Variants in RTKN observed in about 807,000 individuals in gnomAD.
RTKN encodes rhotekin.
Under a neutral mutation model 63.5 loss-of-function variants are expected in RTKN, and 49 were observed. That is an observed-to-expected ratio of 0.77 (90% CI 0.61 to 0.98). The LOEUF (loss-of-function observed/expected upper bound fraction) is 0.98, where lower values mean the gene tolerates loss of function less well. Ranked by LOEUF, RTKN falls within the 50% of genes least tolerant of loss-of-function variation. The pLI, the probability that RTKN is intolerant of heterozygous loss-of-function variation, is 0.00. For synonymous variants in RTKN, 295 were observed against 290.4 expected, an observed-to-expected ratio of 1.02 and a Z score of -0.16; for missense variants, 685 against 740.8, an observed-to-expected ratio of 0.92 and a Z score of 0.87.
Position 74,427,588 on chromosome 2 carries a change from G to C in RTKN, c.1091C>G (p.Thr364Ser), listed in dbSNP as rs574880152. The C allele has an allele frequency of 2.4e-5, 38 of 1,611,706 alleles. 1 individual carries two copies. Among genetic ancestry groups the C allele is most frequent in the Non-Finnish European group, 3.1e-5 (37 of 1,179,678 alleles). Residue 364 changes from threonine to serine, a missense_variant, in exon 10 of 12, where the codon ACT becomes AGT. By Grantham distance (58) the Thr-to-Ser change is moderately conservative (BLOSUM62 1). Transcript: ENST00000272430. ...PLLTIAVNKE[T>S]RVRAGELDQA... The stretch of plus-strand genomic sequence containing the variant: ...GTCCAGCTCCCCTGCCCGGACTCGA[G>C]TCTCCTGCAGGAGAAAGAAGAGGTC...
Position 74,439,925 on chromosome 2 carries a change from G to C in RTKN, c.111+1781C>G, listed in dbSNP as rs914353095. The C allele has an allele frequency of 5.7e-6, 7 of 1,225,618 alleles. No homozygotes were observed. In the African/African-American group the frequency reaches 7.6e-5, roughly 13 times the overall value. 75.9% of individuals were successfully genotyped at this position (1,225,618 alleles called of 1,614,324 possible). On this transcript the variant is annotated intron_variant, in intron 1 of 11. Transcript: ENST00000272430. ...CAGGAGGAAAGGCCAGCTGCAGAGG[G>C]GGCTCTAGGCACAGAGTGTCCAGTC... is the stretch of plus-strand genomic sequence containing the variant.
intron 7 of RTKN, 28 bp from the exon 8 acceptor site, chr2:74,428,765 G>A: frequency 6.2e-7 from 1 of 1,608,772 alleles, no homozygotes; most frequent in Non-Finnish European, 8.5e-7. Flanking sequence ...GCAGGGTGAG[G>A]TAGGGGAATG....
At chr2:74,435,887 T>C (rs1037100767) in intron 1 of RTKN, among the ~76,000 whole-genome samples, 2 of 152,210 alleles carry the variant, frequency 1.3e-5, no homozygotes, top group Admixed American at 6.5e-5. Flanking sequence ...CCTTGGCTAT[T>C]TTCTGGGCCA....
At chr2:74,430,219 AG>A (rs747207694) in intron 5 of RTKN, 32 bp downstream of exon 5, 1 of 1,586,548 alleles carries the variant, frequency 6.3e-7, no homozygotes, top group South Asian at 1.1e-5. Flanking sequence ...AGCAGAGTGG[AG>A]GAAGGAGGTA....
At chr2:74,426,889 G>A in intron 11 of RTKN, 1 of 1,359,770 alleles carries the variant, frequency 7.4e-7, no homozygotes, top group Non-Finnish European at 9.4e-7. Context: ...GAAGAGACAG[G>A]AATCCACATG....
At position 74,429,946 on chromosome 2, in the gene RTKN, G is replaced by C; in HGVS notation, c.637C>G (p.Leu213Val). The C allele has an allele frequency of 6.2e-7, 1 of 1,614,256 alleles. No homozygotes were observed. The highest frequency in any genetic ancestry group is 8.5e-7 in the Non-Finnish European group (1 of 1,180,050). Reference protein sequence around the residue: ...EGALTGGPKRLATKLSSSLGR... With the variant: ...EGALTGGPKRVATKLSSSLGR... Reference sequence around the variant, plus strand: ...AGGGAGCTGCTGAGTTTGGTGGCAAGCCTCTTGGGGCCGCCAGTCAGGGCC... The same window carrying C: ...AGGGAGCTGCTGAGTTTGGTGGCAACCCTCTTGGGGCCGCCAGTCAGGGCC... The change falls in exon 6 of 12, where the codon CTT becomes GTT. Residue 213 changes from leucine to valine, a missense_variant. Physicochemically the swap from Leu to Val is conservative, Grantham distance 32 (BLOSUM62 1). Transcript: ENST00000272430.
chr2:74,439,607 G>A (rs143761156), intron 1 of RTKN: 39 of 1,613,980 alleles, frequency 2.4e-5, no homozygotes, highest in African/African-American at 1.3e-5. Flanking sequence ...TCCAGGATGT[G>A]CAATCTGTCC....
intron 2 of RTKN, 161 bp downstream of exon 2, chr2:74,432,306 C>G: frequency 1.3e-6 from 1 of 779,500 alleles, no homozygotes; most frequent in African/African-American, 1.7e-5. Flanking sequence ...CTGGGCAACA[C>G]ACAGTGGTGG....
chr2:74,427,989 A>G, intron 9 of RTKN: 1 of 523,526 alleles, frequency 1.9e-6, no homozygotes, highest in Non-Finnish European at 3.4e-6. Context: ...TTGGAATCTG[A>G]GGGAGAAGAG....
At chr2:74,439,652 T>A (rs1473899815) in intron 1 of RTKN, 1 of 1,613,536 alleles carries the variant, frequency 6.2e-7, no homozygotes. Flanking sequence ...CTTTCCCTTG[T>A]CAACCCCTCC....
Position 74,426,372 on chromosome 2 carries a change from C to A in RTKN, c.1563G>T (p.Leu521=), listed in dbSNP as rs1420934178. 6.2e-7 allele frequency: 1 copy of A among 1,611,264 alleles called. No individual in the cohort carries two copies. The highest frequency in any genetic ancestry group is 1.3e-5 in the African/African-American group (1 of 74,858). Residue 521 remains leucine (L), a synonymous_variant, in exon 12 of 12, where the codon CTG becomes CTT. Transcript: ENST00000272430. ...GGGAGTGGTCTGGGGGGACAGCATC[C>A]AGGGAAAAGGTTCGGGGTCTCCCCC... ...LPWGRPRTFS[L]DAVPPDHSPR...
At position 74,439,686 on chromosome 2, in the gene RTKN, C is replaced by T. The variant is rs1407722389; in HGVS notation, c.111+2020G>A. 8 of 1,603,144 alleles carry T rather than the reference C, an allele frequency of 5.0e-6. No individual in the cohort carries two copies. The East Asian group carries it at 1.6e-4, about 32-fold the overall frequency. ...CCAGAGGGGGGACAGATAGGTACCA[C>T]ACTGTCCCACAGTTCCTCCTCCCAC... On this transcript the variant is annotated intron_variant, in intron 1 of 11. Coordinates refer to ENST00000272430, the MANE Select transcript of RTKN (RefSeq NM_001015055.2).
Position 74,430,640 on chromosome 2 carries a change from A to G in RTKN, c.349T>C (p.Cys117Arg), listed in dbSNP as rs1395953156. The change falls in exon 3 of 12, where the codon TGC (cysteine) becomes CGC (arginine). Residue 117 changes from cysteine to arginine, a missense_variant. By Grantham distance (180) the Cys-to-Arg change is radical (BLOSUM62 -3). Transcript: ENST00000272430. ...CCAGAGATGCAGACCCGGCCGCGGC[A>G]GGGGGAGCGCTCAGCGGGCGGGCCA... ...DSGPPAERSP[C>R]RGRVCISDLR... 1.2e-6 allele frequency: 2 copies of G among 1,613,292 alleles called. No individual in the cohort carries two copies. The highest frequency in any genetic ancestry group is 1.7e-6 in the Non-Finnish European group (2 of 1,179,852).
chr2:74,426,642 C>G (rs1450456089), intron 11 of RTKN, 68 bp from the exon 12 acceptor site: 5 of 1,493,364 alleles, frequency 3.3e-6, no homozygotes, highest in Non-Finnish European at 4.4e-6. Context: ...GCCTACCCAG[C>G]CCTATCACCT....
chr2:74,441,893 T>C lies in RTKN; in HGVS notation c.-77A>G. The C allele has an allele frequency of 1.2e-6, 1 of 850,718 alleles. No individual in the cohort carries two copies. The highest frequency in any genetic ancestry group is 1.5e-5 in the South Asian group (1 of 65,684). 52.7% of individuals were successfully genotyped at this position (850,718 alleles called of 1,614,324 possible). On this transcript the variant is annotated 5_prime_UTR_variant, in exon 1 of 12. Transcript: ENST00000272430. ...CTTAGCCTCCTCTCCTCGGCTTCTG[T>C]CTCTCGACGCTCGTCCGCCAGTCCG... is the stretch of plus-strand genomic sequence containing the variant.
chr2:74,430,058 G>A (rs768192375), intron 5 of RTKN, 21 bp from the exon 6 acceptor site: 5 of 1,613,266 alleles, frequency 3.1e-6, no homozygotes, highest in Non-Finnish European at 4.2e-6. Flanking sequence ...GAAGAAAGGA[G>A]GGTGGTCACA....
intron 1 of RTKN, chr2:74,440,580 T>A (rs1286949611): frequency 1.0e-6 from 1 of 985,252 alleles, no homozygotes; most frequent in Non-Finnish European, 1.2e-6. Flanking sequence ...CTCCGAGCTG[T>A]CCCCGAAGGC....
Position 74,426,263 on chromosome 2 carries a change from A to T in RTKN, c.1672T>A (p.Trp558Arg). 13 of 1,614,052 alleles carry T rather than the reference A, an allele frequency of 8.1e-6. No individual in the cohort carries two copies. The highest frequency in any genetic ancestry group is 1.1e-5 in the Non-Finnish European group (13 of 1,179,958). ...GLCSKGQPRT[W>R]LQSPV Reference sequence around the variant, plus strand: ...CTCTCTCACACTGGTGACTGGAGCCAAGTGCGAGGTTGGCCTTTGCTGCAG... The same window carrying T: ...CTCTCTCACACTGGTGACTGGAGCCTAGTGCGAGGTTGGCCTTTGCTGCAG... Residue 558 changes from tryptophan to arginine, a missense_variant, in exon 12 of 12, where the codon TGG (tryptophan) becomes AGG (arginine). Trp to Arg is a moderately radical substitution (Grantham distance 101). Coordinates refer to ENST00000272430, the MANE Select transcript of RTKN (RefSeq NM_001015055.2).
At chr2:74,432,031 T>G in intron 2 of RTKN, 1 of 300,328 alleles carries the variant, frequency 3.3e-6, no homozygotes, top group Non-Finnish European at 6.5e-6. Flanking sequence ...CCTTAAGTGG[T>G]TTCTTATTTC....
Sources: allele counts gnomAD v4.1 joint callset (sites outside exome capture counted in the v4.1 genomes callset), GRCh38; gene constraint gnomAD v4.1.1; transcripts MANE v1.5; gene names NCBI Gene and HGNC (gene_info 2026-07-23, HGNC 2026-07-21).